The following TENM2 variants were observed in gnomAD, a reference collection of about 807,000 sequenced individuals.
TENM2 encodes the protein teneurin transmembrane protein 2.
A neutral mutation model predicts 245.2 loss-of-function variants in TENM2; 52 were observed. The ratio of observed to expected loss-of-function variants is 0.21; its 90% confidence interval spans 0.17 to 0.27. The LOEUF is 0.27. TENM2 is among the 10% of genes least tolerant of loss of function. TENM2 has a pLI of 1.00. For missense variants in TENM2, 3,046 were observed against 3,666.8 expected, an observed-to-expected ratio of 0.83 and a Z score of 4.37; for synonymous variants, 1,363 against 1,438.9, an observed-to-expected ratio of 0.95 and a Z score of 1.19.
intron 2 of TENM2, among the ~76,000 whole-genome samples, chr5:167,609,515 A>AAAG (rs1582533515): frequency 4.6e-5 from 4 of 87,824 alleles, no homozygotes; most frequent in African/African-American, 1.3e-4. Context: ...AAAAAAAACA[A>AAAG]AACCTTACCT....
Position 167,994,397 on chromosome 5 carries a change from C to A in TENM2, c.1186+1215C>A, listed in dbSNP as rs901177768. Among the ~76,000 whole-genome samples, 12 of 152,178 alleles carry A rather than the reference C, an allele frequency of 7.9e-5. 1 individual carries two copies. The highest frequency in any genetic ancestry group is 6.2e-4 in the South Asian group (3 of 4,826). On this transcript the variant is annotated intron_variant, in intron 5 of 28. Coordinates refer to ENST00000518659, the Ensembl canonical transcript of TENM2. ...TGGGGGCTCCCACACTTCCTTCATC[C>A]CCAGGCAGCAAGCATGGTATCTGCC...
chr5:168,039,163 C>T lies in TENM2; in HGVS notation c.1187-8264C>T, dbSNP rs535423644. 5.9e-5 allele frequency among the ~76,000 whole-genome samples: 9 copies of T among 152,262 alleles called. No homozygotes were observed. In the South Asian group the frequency reaches 1.2e-3, roughly 21 times the overall value. On this transcript the variant is annotated intron_variant, in intron 5 of 28. Coordinates refer to ENST00000518659, the Ensembl canonical transcript of TENM2. ...CAGTGCTCATTGCACATCTACGGAT[C>T]GATATGACATCTTATCCTCTAAAAC... is the stretch of plus-strand genomic sequence containing the variant.
chr5:167,766,894 A>G (rs912483678), intron 2 of TENM2, among the ~76,000 whole-genome samples: 4 of 152,076 alleles, frequency 2.6e-5, no homozygotes, highest in Non-Finnish European at 4.4e-5. Flanking sequence ...AACAAAAACA[A>G]AAACAAAAAC....
intron 2 of TENM2, among the ~76,000 whole-genome samples, chr5:167,431,964 T>TATATATAC (rs1250628694): frequency 7.1e-6 from 1 of 140,668 alleles, no homozygotes; most frequent in African/African-American, 2.7e-5. Flanking sequence ...TATATATGTA[T>TATATATAC]ATATATATAT....
intron 2 of TENM2, among the ~76,000 whole-genome samples, chr5:167,564,741 CCCT>C (rs1382630142): frequency 6.6e-6 from 1 of 152,100 alleles, no homozygotes; most frequent in Non-Finnish European, 1.5e-5. Flanking sequence ...TTGAGCGTTT[CCCT>C]CCTCTTGGTT....
intron 2 of TENM2, among the ~76,000 whole-genome samples, chr5:167,612,185 C>G (rs1777518695): frequency 6.6e-6 from 1 of 152,066 alleles, no homozygotes; most frequent in Non-Finnish European, 1.5e-5. Flanking sequence ...ACCACAACCC[C>G]CAGCTCACAA....
At chr5:168,104,907 G>A (rs1372927682) in intron 9 of TENM2, among the ~76,000 whole-genome samples, 1 of 152,190 alleles carries the variant, frequency 6.6e-6, no homozygotes, top group Non-Finnish European at 1.5e-5. Flanking sequence ...TGCCCACTGT[G>A]AGACAGGTAC....
intron 2 of TENM2, among the ~76,000 whole-genome samples, chr5:167,816,066 G>A (rs565436219): frequency 1.6e-4 from 25 of 151,630 alleles, no homozygotes; most frequent in Non-Finnish European, 3.2e-4. Context: ...GAGAGTGGTT[G>A]CTAAAACAAC....
the TENM2 span, among the ~76,000 whole-genome samples, chr5:167,014,818 T>A: frequency 3.3e-5 from 5 of 152,288 alleles, 1 homozygote; most frequent in South Asian, 1.0e-3. Context: ...CCAAACACTA[T>A]CAATCCCAGA....
intron 2 of TENM2, chr5:167,721,303 T>C (rs1759612569): frequency 2.6e-5 from 4 of 152,114 alleles, no homozygotes; most frequent in Non-Finnish European, 5.9e-5. Flanking sequence ...TTGTATCTAA[T>C]GCAACTAAAA....
intron 2 of TENM2, among the ~76,000 whole-genome samples, chr5:167,440,237 G>A (rs1258786424): frequency 1.3e-5 from 2 of 152,076 alleles, no homozygotes; most frequent in Non-Finnish European, 2.9e-5. Context: ...GAAAATAAAT[G>A]TTTTTTTGTT....
chr5:167,954,629 C>A (rs114609654), intron 4 of TENM2, among the ~76,000 whole-genome samples: 2,672 of 152,268 alleles, frequency 0.018, 75 homozygotes, highest in African/African-American at 0.061. Flanking sequence ...CCCCTGCCCC[C>A]TCACAGGCCC....
At chr5:167,002,632 CG>C in the TENM2 span, among the ~76,000 whole-genome samples, 4 of 151,136 alleles carry the variant, frequency 2.6e-5, no homozygotes, top group Admixed American at 2.6e-4. Context: ...TGGCAGGACT[CG>C]GTGTCTGCAA....
intron 5 of TENM2, among the ~76,000 whole-genome samples, chr5:168,016,534 A>T (rs527238183): frequency 6.6e-6 from 1 of 152,352 alleles, no homozygotes; most frequent in East Asian, 1.9e-4. Context: ...GAAGAGCAAG[A>T]GTGGCTTCAA....
chr5:167,570,341 G>A (rs1193464321), intron 2 of TENM2, among the ~76,000 whole-genome samples: 2 of 118,622 alleles, frequency 1.7e-5, no homozygotes, highest in Non-Finnish European at 3.6e-5. Flanking sequence ...AATAACTATT[G>A]GGAATGGATG....
intron 13 of TENM2, among the ~76,000 whole-genome samples, chr5:168,179,990 G>C (rs1759722063): frequency 6.6e-6 from 1 of 152,178 alleles, no homozygotes; most frequent in African/African-American, 2.4e-5. Flanking sequence ...AAAATGCACT[G>C]GCCTTGGGAG....
chr5:167,431,420 A>G (rs915595131), intron 2 of TENM2, among the ~76,000 whole-genome samples: 1 of 152,186 alleles, frequency 6.6e-6, no homozygotes, highest in African/African-American at 2.4e-5. Flanking sequence ...TTTGGGTATC[A>G]AGGGGAAAAA....
chr5:167,298,342 G>A (rs1755083540), intron 1 of TENM2, among the ~76,000 whole-genome samples: 1 of 152,208 alleles, frequency 6.6e-6, no homozygotes, highest in Non-Finnish European at 1.5e-5. Flanking sequence ...GGTGGCTCAC[G>A]CCTGTAATCC....
At chr5:167,115,021 C>G in the TENM2 span, among the ~76,000 whole-genome samples, 832 of 152,342 alleles carry the variant, frequency 5.5e-3, 8 homozygotes, top group African/African-American at 0.019. Context: ...GTACAGGAGT[C>G]AACCTGGATT....
Sources: gnomAD v4.1 joint callset for allele counts (sites outside exome capture counted in the v4.1 genomes callset) on GRCh38, gnomAD v4.1.1 for gene constraint, MANE v1.5 for transcripts, NCBI Gene and HGNC (gene_info 2026-07-23, HGNC 2026-07-21) for gene names.